The following CLSTN2 variants were observed in gnomAD, a reference collection of about 807,000 sequenced individuals.
CLSTN2 encodes calsyntenin 2, also known as calsyntenin-2.
A neutral mutation model predicts 101.2 loss-of-function variants in CLSTN2; 48 were observed. The observed-to-expected ratio is 0.47, with a 90% CI of 0.38 to 0.60. CLSTN2 has a LOEUF of 0.60. CLSTN2 is among the 20% of genes least tolerant of loss of function. CLSTN2 has a pLI of 0.00. For missense variants in CLSTN2, 1,160 were observed against 1,238.2 expected, an observed-to-expected ratio of 0.94 and a Z score of 0.95; for synonymous variants, 481 against 463.6, an observed-to-expected ratio of 1.04 and a Z score of -0.48.
intron 1 of CLSTN2, among the ~76,000 whole-genome samples, chr3:140,128,399 C>T: frequency 6.6e-6 from 1 of 152,142 alleles, no homozygotes; most frequent in Non-Finnish European, 1.5e-5. Context: ...AGACAGCATC[C>T]TGGCAGGAAA....
Position 140,172,113 on chromosome 3 carries a change from T to C in CLSTN2, c.110-3838T>C, listed in dbSNP as rs887278234. Among the ~76,000 whole-genome samples, 3 of 150,798 alleles carry C rather than the reference T, an allele frequency of 2.0e-5. 1 individual carries two copies. Among genetic ancestry groups the C allele is most frequent in the Non-Finnish European group, 4.4e-5 (3 of 67,896 alleles). ...GTGACCACACCTTTTAAACTATGAA[T>C]TAGGGTGTGAAGTTTGGCATCGGAA... On this transcript the variant is annotated intron_variant, in intron 1 of 16. Coordinates refer to ENST00000458420, the MANE Select transcript of CLSTN2 (RefSeq NM_022131.3).
intron 10 of CLSTN2, among the ~76,000 whole-genome samples, chr3:140,555,054 C>T (rs181529525): frequency 2.6e-5 from 4 of 152,282 alleles, no homozygotes; most frequent in African/African-American, 7.2e-5. Context: ...ATTTATTGCT[C>T]ATACTTCATG....
chr3:140,513,778 G>C (rs1432493683), intron 8 of CLSTN2, among the ~76,000 whole-genome samples: 2 of 151,622 alleles, frequency 1.3e-5, no homozygotes, highest in African/African-American at 4.8e-5. Flanking sequence ...GCTTTTTTTG[G>C]TTGGTAGGCT....
At chr3:140,437,113 A>G (rs1576567181) in intron 5 of CLSTN2, among the ~76,000 whole-genome samples, 2 of 151,118 alleles carry the variant, frequency 1.3e-5, no homozygotes, top group African/African-American at 4.9e-5. Flanking sequence ...CAGTGGTACA[A>G]TCTCAGCTCA....
intron 2 of CLSTN2, among the ~76,000 whole-genome samples, chr3:140,323,303 G>A (rs1047694153): frequency 1.3e-5 from 2 of 152,188 alleles, no homozygotes; most frequent in Admixed American, 1.3e-4. Context: ...ATGCCAGCTG[G>A]CATTGTGCTT....
intron 2 of CLSTN2, among the ~76,000 whole-genome samples, chr3:140,355,358 T>C (rs1486832174): frequency 6.6e-6 from 1 of 152,216 alleles, no homozygotes; most frequent in Non-Finnish European, 1.5e-5. Flanking sequence ...TTTCTTTATC[T>C]GTTAAATGGG....
chr3:140,222,267 A>T (rs1403325832), intron 2 of CLSTN2, among the ~76,000 whole-genome samples: 1 of 152,204 alleles, frequency 6.6e-6, no homozygotes, highest in African/African-American at 2.4e-5. Context: ...GCTAAAAATT[A>T]AAAGAACTCA....
At chr3:140,407,318 G>C (rs961129379) in intron 4 of CLSTN2, among the ~76,000 whole-genome samples, 10 of 152,158 alleles carry the variant, frequency 6.6e-5, no homozygotes, top group Non-Finnish European at 1.3e-4. Flanking sequence ...ATGTCTCCTG[G>C]CCCCTCCAAC....
At chr3:140,101,490 T>A (rs982876340) in intron 1 of CLSTN2, among the ~76,000 whole-genome samples, 1 of 152,250 alleles carries the variant, frequency 6.6e-6, no homozygotes, top group African/African-American at 2.4e-5. Flanking sequence ...CTCTTTCTCA[T>A]GGTTCTCAAA....
chr3:140,295,161 G>T (rs1235274540), intron 2 of CLSTN2, among the ~76,000 whole-genome samples: 2 of 152,002 alleles, frequency 1.3e-5, no homozygotes, highest in Non-Finnish European at 2.9e-5. Flanking sequence ...GCCATATCTT[G>T]CTTTTTTATA....
At chr3:140,267,983 G>A (rs2086710117) in intron 2 of CLSTN2, among the ~76,000 whole-genome samples, 1 of 152,146 alleles carries the variant, frequency 6.6e-6, no homozygotes, top group Admixed American at 6.6e-5. Flanking sequence ...TGTTATATAA[G>A]CTTATCATTT....
At chr3:139,973,741 C>T (rs879945699) in intron 1 of CLSTN2, among the ~76,000 whole-genome samples, 2 of 152,278 alleles carry the variant, frequency 1.3e-5, no homozygotes, top group East Asian at 1.9e-4. Flanking sequence ...TGAGTTCAAG[C>T]AATCCTCCTG....
At chr3:140,452,269 C>G (rs1402941417) in intron 6 of CLSTN2, among the ~76,000 whole-genome samples, 1 of 152,030 alleles carries the variant, frequency 6.6e-6, no homozygotes, top group Non-Finnish European at 1.5e-5. Context: ...CCCTGATGTT[C>G]TGCTTCTGCT....
At position 140,082,990 on chromosome 3, in the gene CLSTN2, A is replaced by T. The variant is rs142545040; in HGVS notation, c.110-92961A>T. Among the ~76,000 whole-genome samples the T allele has an allele frequency of 1.0e-3, 158 of 152,308 alleles. 1 individual carries two copies. Among genetic ancestry groups the T allele is most frequent in the African/African-American group, 3.6e-3 (151 of 41,580 alleles). ...CATTTCAACCAGAGGGCCTTTACAC[A>T]TGCTGTTTCCGCTGCCTGAGAAAAT... On this transcript the variant is annotated intron_variant, in intron 1 of 16. Coordinates refer to ENST00000458420, the MANE Select transcript of CLSTN2 (RefSeq NM_022131.3).
At chr3:140,189,560 CTT>C (rs2010530918) in intron 2 of CLSTN2, among the ~76,000 whole-genome samples, 1 of 151,980 alleles carries the variant, frequency 6.6e-6, no homozygotes, top group Non-Finnish European at 1.5e-5. Context: ...CATGAAATGT[CTT>C]TTGTTCATTT....
intron 2 of CLSTN2, among the ~76,000 whole-genome samples, chr3:140,203,668 G>A (rs542139357): frequency 2.0e-5 from 3 of 152,140 alleles, no homozygotes; most frequent in Admixed American, 1.3e-4. Context: ...AGGCCTCCTG[G>A]TGCCTGATAG....
chr3:140,002,307 G>A (rs560854029), intron 1 of CLSTN2, among the ~76,000 whole-genome samples: 1 of 152,162 alleles, frequency 6.6e-6, no homozygotes, highest in Non-Finnish European at 1.5e-5. Flanking sequence ...TTTCTCTGAT[G>A]ATCAGTGATG....
intron 5 of CLSTN2, 34 bp from the exon 6 acceptor site, chr3:140,448,484 CT>C: frequency 6.4e-7 from 1 of 1,566,428 alleles, no homozygotes; most frequent in Non-Finnish European, 8.8e-7. Context: ...CTGACTGCAC[CT>C]GATTCACTTT....
intron 1 of CLSTN2, among the ~76,000 whole-genome samples, chr3:140,150,767 G>T (rs904827607): frequency 6.6e-6 from 1 of 151,720 alleles, no homozygotes; most frequent in Non-Finnish European, 1.5e-5. Context: ...CACTGATATT[G>T]ATCCCAAGGG....
Sources: gnomAD v4.1 joint callset for allele counts (sites outside exome capture counted in the v4.1 genomes callset) on GRCh38, gnomAD v4.1.1 for gene constraint, MANE v1.5 for transcripts, NCBI Gene and HGNC (gene_info 2026-07-23, HGNC 2026-07-21) for gene names.